The following ATE1 variants were observed in gnomAD, a reference collection of about 807,000 sequenced individuals.
ATE1 encodes the protein arginyl-tRNA--protein transferase 1.
A neutral mutation model predicts 70.5 loss-of-function variants in ATE1; 36 were observed. That is an observed-to-expected ratio of 0.51 (90% CI 0.39 to 0.67). The LOEUF (loss-of-function observed/expected upper bound fraction) is 0.67, where lower values mean the gene tolerates loss of function less well. ATE1 is among the 30% of genes least tolerant of loss of function. The pLI, the probability that ATE1 is intolerant of heterozygous loss-of-function variation, is 0.00. For missense variants in ATE1, 593 were observed against 629.5 expected (o/e 0.94, Z 0.62); for synonymous variants, 232 against 219.3 (o/e 1.06, Z -0.51).
At chr10:121,802,887 G>A (rs535761093) in intron 10 of ATE1, among the ~76,000 whole-genome samples, 81 of 152,214 alleles carry the variant, frequency 5.3e-4, no homozygotes, top group Non-Finnish European at 9.3e-4. Context: ...AGTCCAAAAG[G>A]GGAGACAAAC....
intron 8 of ATE1, among the ~76,000 whole-genome samples, chr10:121,860,589 G>A (rs1282800046): frequency 6.6e-6 from 1 of 152,212 alleles, no homozygotes; most frequent in Non-Finnish European, 1.5e-5. Context: ...CCAAGCTTAT[G>A]TAATTGAGAA....
intron 10 of ATE1, among the ~76,000 whole-genome samples, chr10:121,802,414 T>C (rs1435687368): frequency 6.6e-6 from 1 of 152,016 alleles, no homozygotes; most frequent in Non-Finnish European, 1.5e-5. Context: ...GTTCAAGTGA[T>C]TCTCCTGCCT....
chr10:121,790,029 TACACACAC>T (rs3036895), intron 11 of ATE1, 132 bp downstream of exon 11: 1 of 888,202 alleles, frequency 1.1e-6, no homozygotes, highest in Non-Finnish European at 1.6e-6. Flanking sequence ...TCCTCTATCT[TACACACAC>T]ACACACACTC....
At chr10:121,927,808 C>T in intron 1 of ATE1, 36 bp downstream of exon 1, 1 of 1,530,880 alleles carries the variant, frequency 6.5e-7, no homozygotes. Context: ...GACCCGGGCG[C>T]CCGGCTTCCC....
At chr10:121,927,515 G>A (rs2134680114) in intron 1 of ATE1, 1 of 985,312 alleles carries the variant, frequency 1.0e-6, no homozygotes, top group African/African-American at 1.7e-5. Flanking sequence ...GTCAGCCCCG[G>A]CCATTAACTA....
rs1312911271 is a variant in ATE1 at position 121,900,144 on chromosome 10, GTAAA to G, written c.814-154_814-151del. ...TTTAATATTAAAAACCAACCAGTTAGTAAATAAAGAAAAAAGTTATTTTTGTAAC... is the reference window on the plus strand; with the variant it reads ...TTTAATATTAAAAACCAACCAGTTAGTAAAGAAAAAAGTTATTTTTGTAAC... On this transcript the variant is annotated intron_variant, in intron 6 of 11. Transcript: ENST00000224652. The G allele has an allele frequency of 7.1e-6, 6 of 849,664 alleles. No individual in the cohort carries two copies. In the East Asian group the frequency reaches 1.1e-4, roughly 16 times the overall value. 52.6% of individuals were successfully genotyped at this position (849,664 alleles called of 1,614,324 possible).
At chr10:121,745,454 C>T (rs201330118) in intron 11 of ATE1, among the ~76,000 whole-genome samples, 43 of 152,274 alleles carry the variant, frequency 2.8e-4, no homozygotes, top group Non-Finnish European at 4.4e-4. Context: ...CAGTGGCTCA[C>T]GCCTGTAATC....
Position 121,818,100 on chromosome 10 carries a change from GA to G in ATE1, c.1257+18617del, listed in dbSNP as rs577915813. On this transcript the variant is annotated intron_variant, in intron 10 of 11. Transcript: ENST00000224652. ...GCAACAAAGTGAGACCCCGTCTCTA[GA>G]AAAAATACAAAAATTAGCCGGGAAT... 4.3e-3 allele frequency among the ~76,000 whole-genome samples: 649 copies of G among 151,426 alleles called. 5 individuals carry two copies. The highest frequency in any genetic ancestry group is 0.015 in the African/African-American group (625 of 41,294).
intron 10 of ATE1, among the ~76,000 whole-genome samples, chr10:121,836,028 C>G (rs1948419694): frequency 6.6e-6 from 1 of 152,170 alleles, no homozygotes; most frequent in African/African-American, 2.4e-5. Flanking sequence ...CTTCAGGGTC[C>G]TGCACAGTCC....
At chr10:121,837,215 C>T (rs1049127021) in intron 9 of ATE1, among the ~76,000 whole-genome samples, 5 of 152,096 alleles carry the variant, frequency 3.3e-5, no homozygotes, top group South Asian at 4.1e-4. Flanking sequence ...AATTACAGGA[C>T]GAATAACTAT....
rs78542143 is a variant in ATE1 at position 121,798,084 on chromosome 10, T to C, written c.1258-7795A>G. Among the ~76,000 whole-genome samples the C allele has an allele frequency of 2.0e-3, 306 of 152,322 alleles. 6 individuals are homozygous for C. The East Asian group carries it at 0.053, about 26-fold the overall frequency. On this transcript the variant is annotated intron_variant, in intron 10 of 11. Coordinates refer to ENST00000224652, the MANE Select transcript of ATE1 (RefSeq NM_001001976.3). ...ACTTCCACTTTCTAAACAGTGGACATTACTTTAACACCTTCTGCCTTGCTC... is the reference window on the plus strand; with the variant it reads ...ACTTCCACTTTCTAAACAGTGGACACTACTTTAACACCTTCTGCCTTGCTC...
rs368040838 is a variant in ATE1 at position 121,913,902 on chromosome 10, G to C, written c.234-9C>G. The C allele has an allele frequency of 2.5e-6, 4 of 1,595,008 alleles. No homozygotes were observed. Among genetic ancestry groups the C allele is most frequent in the East Asian group, 2.2e-5 (1 of 44,544 alleles). On this transcript the variant is annotated splice_polypyrimidine_tract_variant and intron_variant, in intron 3 of 11. Coordinates refer to ENST00000224652, the MANE Select transcript of ATE1 (RefSeq NM_001001976.3). ...ATTGTAAAGGTCGGCACCTAGGAAA[G>C]CAAAATAAATATTTAAAAAGTGAAC... is the stretch of plus-strand genomic sequence containing the variant.
At chr10:121,927,543 C>A in intron 1 of ATE1, 1 of 985,202 alleles carries the variant, frequency 1.0e-6, no homozygotes, top group Non-Finnish European at 1.2e-6. Flanking sequence ...GGGGCGTTCC[C>A]TGGCACTGCG....
intron 11 of ATE1, among the ~76,000 whole-genome samples, chr10:121,745,527 T>C (rs368927120): frequency 7.6e-4 from 115 of 152,180 alleles, no homozygotes; most frequent in East Asian, 1.9e-3. Flanking sequence ...CCATTCTGGC[T>C]AACACGGTGA....
At chr10:121,778,792 G>A (rs866947268) in intron 11 of ATE1, among the ~76,000 whole-genome samples, 3 of 151,788 alleles carry the variant, frequency 2.0e-5, no homozygotes, top group Non-Finnish European at 2.9e-5. Context: ...TAGTAGAGAC[G>A]GGGTTTCATC....
intron 2 of ATE1, among the ~76,000 whole-genome samples, chr10:121,923,480 C>A (rs1951962701): frequency 6.6e-6 from 1 of 151,938 alleles, no homozygotes; most frequent in Admixed American, 6.6e-5. Flanking sequence ...AGAGCGAGAC[C>A]ATGTCTCTAA....
At chr10:121,913,561 T>C (rs1951527557) in intron 4 of ATE1, among the ~76,000 whole-genome samples, 1 of 151,794 alleles carries the variant, frequency 6.6e-6, no homozygotes, top group African/African-American at 2.4e-5. Flanking sequence ...ATCACAAATT[T>C]AACATGATCC....
At chr10:121,858,625 T>TTA (rs972969698) in intron 8 of ATE1, among the ~76,000 whole-genome samples, 16 of 146,560 alleles carry the variant, frequency 1.1e-4, no homozygotes, top group South Asian at 4.2e-4. Context: ...CTTTTCCTTA[T>TTA]TATATATATA....
At chr10:121,914,792 C>T (rs1381490590) in intron 3 of ATE1, among the ~76,000 whole-genome samples, 2 of 152,182 alleles carry the variant, frequency 1.3e-5, no homozygotes, top group African/African-American at 4.8e-5. Context: ...AGCAGCGGTA[C>T]TACTGAAAAC....
Sources: gnomAD v4.1 joint callset for allele counts (sites outside exome capture counted in the v4.1 genomes callset) on GRCh38, gnomAD v4.1.1 for gene constraint, MANE v1.5 for transcripts, NCBI Gene and HGNC (gene_info 2026-07-23, HGNC 2026-07-21) for gene names.